DISP1: variants seen among roughly 807,000 people sequenced by gnomAD.
DISP1 encodes the protein protein dispatched homolog 1.
In DISP1, 30 loss-of-function variants were observed where a neutral mutation model predicts 37.3. The ratio of observed to expected loss-of-function variants is 0.80; its 90% CI spans 0.60 to 1.09. DISP1 has a LOEUF of 1.09. Among genes scored for constraint, DISP1 ranks in the 50% least tolerant of loss-of-function variants. The pLI, the probability that DISP1 is intolerant of heterozygous loss-of-function variation, is 0.00. For synonymous variants in DISP1, 634 were observed against 690.2 expected (o/e 0.92, Z 1.28); for missense variants, 1,598 against 1,879.5 (o/e 0.85, Z 2.77).
At position 222,980,107 on chromosome 1, in the gene DISP1, T is replaced by C. The variant is rs187428358; in HGVS notation, c.510-2973T>C. ...ATTGTAGTCAGTATATCCAGGATAC[T>C]CAAAAGTATCCAAAGTCCTCAAAAA... On this transcript the variant is annotated intron_variant, in intron 3 of 8. Transcript: ENST00000675850. 9.7e-4 allele frequency among the ~76,000 whole-genome samples: 147 copies of C among 152,324 alleles called. 1 individual carries two copies. In the Middle Eastern group the frequency reaches 0.027, roughly 28 times the overall value.
At chr1:222,851,798 T>C (rs1411590746) in intron 1 of DISP1, among the ~76,000 whole-genome samples, 1 of 151,820 alleles carries the variant, frequency 6.6e-6, no homozygotes, top group African/African-American at 2.4e-5. Context: ...TTTCCATTTC[T>C]GTGTGAAATA....
intron 2 of DISP1, among the ~76,000 whole-genome samples, chr1:222,938,268 A>G (rs899366151): frequency 2.6e-5 from 4 of 152,226 alleles, no homozygotes; most frequent in Non-Finnish European, 5.9e-5. Context: ...ATTCATAATC[A>G]TATACCATTA....
chr1:222,850,084 A>C (rs1411287422), intron 1 of DISP1, among the ~76,000 whole-genome samples: 1 of 152,218 alleles, frequency 6.6e-6, no homozygotes, highest in East Asian at 1.9e-4. Flanking sequence ...TGTAAAATGT[A>C]TAAGATAAGC....
chr1:222,835,883 C>T (rs568361588), intron 1 of DISP1, among the ~76,000 whole-genome samples: 180 of 146,802 alleles, frequency 1.2e-3, no homozygotes, highest in African/African-American at 4.1e-3. Context: ...GCCCAGAAGG[C>T]GGAGGAGGTA....
intron 2 of DISP1, among the ~76,000 whole-genome samples, chr1:222,929,763 G>A (rs558379682): frequency 5.3e-5 from 8 of 151,926 alleles, no homozygotes; most frequent in Non-Finnish European, 1.0e-4. Flanking sequence ...ATTCTTTCAT[G>A]TATTTTTTAG....
At chr1:222,880,906 T>A (rs533496673) in intron 1 of DISP1, among the ~76,000 whole-genome samples, 1 of 151,770 alleles carries the variant, frequency 6.6e-6, no homozygotes, top group Non-Finnish European at 1.5e-5. Flanking sequence ...ATAAAAAATA[T>A]AAATATTAGC....
At chr1:222,847,923 CAAAT>C (rs1668009130) in intron 1 of DISP1, among the ~76,000 whole-genome samples, 1 of 151,998 alleles carries the variant, frequency 6.6e-6, no homozygotes, top group Admixed American at 6.6e-5. Flanking sequence ...TTTTATGTCA[CAAAT>C]AAAGGTTATG....
At chr1:222,836,578 T>C (rs930397018) in intron 1 of DISP1, among the ~76,000 whole-genome samples, 3 of 152,148 alleles carry the variant, frequency 2.0e-5, no homozygotes, top group African/African-American at 7.2e-5. Context: ...ACAACTCATT[T>C]AATCTCTGAG....
At chr1:222,890,191 C>T (rs534447824) in intron 1 of DISP1, among the ~76,000 whole-genome samples, 1 of 152,232 alleles carries the variant, frequency 6.6e-6, no homozygotes, top group South Asian at 2.1e-4. Flanking sequence ...GTGAGCAAAA[C>T]ATTTATGGGT....
chr1:222,924,237 C>CA (rs1672962680), intron 1 of DISP1, among the ~76,000 whole-genome samples: 1 of 152,136 alleles, frequency 6.6e-6, no homozygotes, highest in Non-Finnish European at 1.5e-5. Flanking sequence ...CTTGCTAATT[C>CA]AACTTTGAAT....
At chr1:222,860,881 CAAA>C (rs768395409) in intron 1 of DISP1, among the ~76,000 whole-genome samples, 1 of 151,742 alleles carries the variant, frequency 6.6e-6, no homozygotes, top group South Asian at 2.1e-4. Context: ...TCAAAAAAAA[CAAA>C]AAACAAACAA....
chr1:222,984,867 C>T (rs542465454), intron 4 of DISP1, among the ~76,000 whole-genome samples: 83 of 152,210 alleles, frequency 5.5e-4, no homozygotes, highest in East Asian at 1.2e-3. Context: ...GTAAGTACCT[C>T]GTATGAGTCG....
intron 1 of DISP1, chr1:222,872,284 G>A (rs1321744190): frequency 6.6e-6 from 1 of 152,194 alleles, no homozygotes; most frequent in African/African-American, 2.4e-5. Flanking sequence ...TTGGTATCAG[G>A]ATGATGCTGG....
chr1:222,854,630 G>A (rs1668453017), intron 1 of DISP1, among the ~76,000 whole-genome samples: 1 of 152,034 alleles, frequency 6.6e-6, no homozygotes, highest in African/African-American at 2.4e-5. Context: ...AAGGAATACC[G>A]TTTGGACACT....
intron 3 of DISP1, among the ~76,000 whole-genome samples, chr1:222,952,913 G>A (rs549626611): frequency 1.3e-5 from 2 of 152,262 alleles, no homozygotes; most frequent in East Asian, 3.9e-4. Flanking sequence ...CAAAAATTGT[G>A]TAACAAGTAG....
chr1:222,850,365 C>G (rs1215877196), intron 1 of DISP1, among the ~76,000 whole-genome samples: 1 of 151,874 alleles, frequency 6.6e-6, no homozygotes, highest in Admixed American at 6.6e-5. Context: ...CTGCTTTCTC[C>G]ACTTTACCCC....
At chr1:222,985,910 C>T (rs1454549000) in intron 4 of DISP1, among the ~76,000 whole-genome samples, 2 of 152,040 alleles carry the variant, frequency 1.3e-5, no homozygotes, top group Non-Finnish European at 2.9e-5. Flanking sequence ...TCACTCTTCT[C>T]ACTAAGTTGA....
At chr1:222,963,903 G>GA (rs1360541860) in intron 3 of DISP1, among the ~76,000 whole-genome samples, 10 of 151,676 alleles carry the variant, frequency 6.6e-5, no homozygotes, top group Non-Finnish European at 1.2e-4. Context: ...TTAAAGAAGA[G>GA]AAAAAAATAA....
intron 1 of DISP1, among the ~76,000 whole-genome samples, chr1:222,897,491 TTAAAAA>T (rs1671332248): frequency 6.6e-6 from 1 of 152,212 alleles, no homozygotes; most frequent in Non-Finnish European, 1.5e-5. Flanking sequence ...TCAAAGTTGT[TTAAAAA>T]TAAAAACATG....
Sources: allele counts gnomAD v4.1 joint callset (sites outside exome capture counted in the v4.1 genomes callset), GRCh38; gene constraint gnomAD v4.1.1; transcripts MANE v1.5; gene names NCBI Gene and HGNC (gene_info 2026-07-23, HGNC 2026-07-21).